The following AKAP7 variants were observed in gnomAD, a reference collection of about 807,000 sequenced individuals.
AKAP7 encodes the protein A-kinase anchoring protein 7.
In AKAP7, 39 loss-of-function variants were observed where a neutral mutation model predicts 39.5. That is an observed-to-expected ratio of 0.99 (90% CI 0.76 to 1.29). The LOEUF (loss-of-function observed/expected upper bound fraction) is 1.29, where lower values mean the gene tolerates loss of function less well. AKAP7 is among the 50% of genes most tolerant of loss of function. The pLI, the probability that AKAP7 is intolerant of heterozygous loss-of-function variation, is 0.00. For missense variants in AKAP7, 414 were observed against 407.7 expected (o/e 1.02, Z -0.13); for synonymous variants, 140 against 139.1 (o/e 1.01, Z -0.05).
At chr6:131,213,198 A>C (rs896183636) in intron 6 of AKAP7, among the ~76,000 whole-genome samples, 2 of 152,160 alleles carry the variant, frequency 1.3e-5, no homozygotes, top group African/African-American at 4.8e-5. Flanking sequence ...TTTTCTGTGA[A>C]CTTATTTCTG....
chr6:131,177,259 A>T (rs962634765), intron 5 of AKAP7, among the ~76,000 whole-genome samples: 17 of 152,286 alleles, frequency 1.1e-4, no homozygotes, highest in Admixed American at 2.0e-4. Flanking sequence ...TGGGTAATTT[A>T]TGAAGGAAAG....
chr6:131,240,943 G>A (rs543757747), intron 7 of AKAP7, among the ~76,000 whole-genome samples: 2 of 151,956 alleles, frequency 1.3e-5, no homozygotes, highest in South Asian at 2.1e-4. Context: ...CCCACTGTCC[G>A]ACGCTCCCCA....
intron 7 of AKAP7, among the ~76,000 whole-genome samples, chr6:131,255,633 G>A (rs935977018): frequency 6.6e-6 from 1 of 152,160 alleles, no homozygotes; most frequent in Admixed American, 6.5e-5. Context: ...TGTAGACAGA[G>A]CACAGGCCTG....
At chr6:131,264,592 CCTT>C (rs1309268791) in intron 7 of AKAP7, among the ~76,000 whole-genome samples, 2 of 152,124 alleles carry the variant, frequency 1.3e-5, no homozygotes, top group Non-Finnish European at 2.9e-5. Context: ...AGCCTTGTAA[CCTT>C]CTAACTTGAA....
At chr6:131,212,877 C>G (rs1053541477) in intron 6 of AKAP7, among the ~76,000 whole-genome samples, 4 of 152,132 alleles carry the variant, frequency 2.6e-5, no homozygotes, top group African/African-American at 7.2e-5. Flanking sequence ...GCAGGAGGAT[C>G]TGGGAAAATG....
In AKAP7 at chr6:131,267,603, C is replaced by T. The variant is rs558392393; in HGVS notation, c.851-13927C>T. ...CCAGGCTCATCATTCTCCTCCCGCC[C>T]ACCTCATCAGTTACTTAACCAGAGC... is the stretch of plus-strand genomic sequence containing the variant. On this transcript the variant is annotated intron_variant, in intron 7 of 7. Coordinates refer to ENST00000431975, the MANE Select transcript of AKAP7 (RefSeq NM_016377.4). Among the ~76,000 whole-genome samples, 145 of 152,284 alleles carry T rather than the reference C, an allele frequency of 9.5e-4. 3 individuals carry two copies. The South Asian group carries it at 0.011, about 12-fold the overall frequency.
chr6:131,158,240 G>C (rs539392914), intron 2 of AKAP7, among the ~76,000 whole-genome samples: 107 of 152,226 alleles, frequency 7.0e-4, no homozygotes, highest in African/African-American at 2.5e-3. Context: ...CTGTTTTATC[G>C]TGTAAAATAA....
chr6:131,202,919 T>C (rs905439764), intron 6 of AKAP7, among the ~76,000 whole-genome samples: 6 of 152,092 alleles, frequency 3.9e-5, no homozygotes, highest in African/African-American at 7.2e-5. Flanking sequence ...ATCTTAGATA[T>C]GGGGATTCGC....
intron 5 of AKAP7, chr6:131,185,401 G>C (rs1017321090): frequency 2.1e-5 from 11 of 514,206 alleles, no homozygotes; most frequent in African/African-American, 1.7e-4. Context: ...CACAGAGGTG[G>C]GCATTGTAAT....
intron 5 of AKAP7, among the ~76,000 whole-genome samples, chr6:131,197,904 A>G (rs913466143): frequency 1.3e-4 from 20 of 152,170 alleles, no homozygotes; most frequent in Admixed American, 2.6e-4. Flanking sequence ...GGGAGCCCAC[A>G]CTATTTATTG....
At chr6:131,265,396 A>G (rs1043170031) in intron 7 of AKAP7, among the ~76,000 whole-genome samples, 1 of 152,148 alleles carries the variant, frequency 6.6e-6, no homozygotes, top group African/African-American at 2.4e-5. Context: ...CAGCTCCCCA[A>G]AGTTCTGGGA....
intron 7 of AKAP7, among the ~76,000 whole-genome samples, chr6:131,225,991 A>G (rs576175719): frequency 1.3e-5 from 2 of 152,274 alleles, no homozygotes; most frequent in Admixed American, 1.3e-4. Context: ...GTGTGATTTT[A>G]TATTAAATCT....
At chr6:131,242,063 A>G in intron 7 of AKAP7, 1 of 982,408 alleles carries the variant, frequency 1.0e-6, no homozygotes, top group Non-Finnish European at 1.2e-6. Context: ...ATTGTATCTG[A>G]CCGTAATATG....
chr6:131,127,365 T>C, the AKAP7 span, among the ~76,000 whole-genome samples: 1 of 152,200 alleles, frequency 6.6e-6, no homozygotes, highest in Non-Finnish European at 1.5e-5. Flanking sequence ...CCATAGGTTG[T>C]ATGTCATGAT....
At chr6:131,151,827 T>A (rs1036204551) in intron 2 of AKAP7, among the ~76,000 whole-genome samples, 2 of 152,226 alleles carry the variant, frequency 1.3e-5, no homozygotes, top group African/African-American at 4.8e-5. Flanking sequence ...ACTTTGAAGA[T>A]TTTAGCTGCC....
chr6:131,205,421 G>T (rs1808000560), intron 6 of AKAP7, among the ~76,000 whole-genome samples: 1 of 152,130 alleles, frequency 6.6e-6, no homozygotes, highest in Non-Finnish European at 1.5e-5. Context: ...GTGGTGTTCA[G>T]TATTTGGTGC....
chr6:131,202,642 G>A (rs1034100021), intron 6 of AKAP7, among the ~76,000 whole-genome samples: 3 of 150,520 alleles, frequency 2.0e-5, no homozygotes, highest in Admixed American at 6.6e-5. Context: ...ATAGCTTTAG[G>A]AGATATACCT....
intron 1 of AKAP7, chr6:131,136,882 T>C: frequency 1.0e-6 from 1 of 985,198 alleles, no homozygotes; most frequent in Non-Finnish European, 1.2e-6. Flanking sequence ...AAGCCAGGAC[T>C]AGAATGGATG....
rs1055500998 is a variant in AKAP7, at chr6:131,259,406, C to T, written c.851-22124C>T. On this transcript the variant is annotated intron_variant, in intron 7 of 7. Transcript: ENST00000431975. ...ATCACAAGAGGAAAGCTGAAGGACTCAGGCAGCTTAGCTGGGAGGAGAGAA... is the reference window on the plus strand; with the variant it reads ...ATCACAAGAGGAAAGCTGAAGGACTTAGGCAGCTTAGCTGGGAGGAGAGAA... Among the ~76,000 whole-genome samples, 60 of 152,136 alleles carry T rather than the reference C, an allele frequency of 3.9e-4. 1 individual carries two copies. Among genetic ancestry groups the T allele is most frequent in the Non-Finnish European group, 1.3e-4 (9 of 68,040 alleles).
Sources: gnomAD v4.1 joint callset for allele counts (sites outside exome capture counted in the v4.1 genomes callset) on GRCh38, gnomAD v4.1.1 for gene constraint, MANE v1.5 for transcripts, NCBI Gene and HGNC (gene_info 2026-07-23, HGNC 2026-07-21) for gene names.